The following LHFPL6 variants were observed in gnomAD, a reference collection of about 807,000 sequenced individuals.
The protein encoded by LHFPL6 is LHFPL tetraspan subfamily member 6 protein.
LHFPL6 carries 9 observed loss-of-function variants against 20.6 expected under a neutral mutation model. The ratio of observed to expected loss-of-function variants is 0.44; its 90% confidence interval spans 0.26 to 0.76. The LOEUF (loss-of-function observed/expected upper bound fraction) is 0.76. Among genes scored for constraint, LHFPL6 ranks in the 30% least tolerant of loss-of-function variants. The pLI, the probability that LHFPL6 is intolerant of heterozygous loss-of-function variation, is 0.20. For missense variants in LHFPL6, 218 were observed against 253.5 expected (o/e 0.86, Z 0.95); for synonymous variants, 105 against 98.7 (o/e 1.06, Z -0.38).
chr13:39,435,859 T>A (rs1871944075), intron 2 of LHFPL6, among the ~76,000 whole-genome samples: 1 of 152,084 alleles, frequency 6.6e-6, no homozygotes, highest in Non-Finnish European at 1.5e-5. Flanking sequence ...TTGAAACAGG[T>A]CATATGCATA....
chr13:39,363,839 T>C (rs1869942112), intron 3 of LHFPL6, among the ~76,000 whole-genome samples: 1 of 152,142 alleles, frequency 6.6e-6, no homozygotes, highest in Non-Finnish European at 1.5e-5. Flanking sequence ...GCTATAAAGT[T>C]ATGGGAAAAA....
chr13:39,574,998 G>A (rs1237646123), intron 2 of LHFPL6, among the ~76,000 whole-genome samples: 3 of 152,088 alleles, frequency 2.0e-5, no homozygotes, highest in Non-Finnish European at 4.4e-5. Flanking sequence ...TTGAATCTGG[G>A]AGGCAGAGGT....
chr13:39,560,318 GTTAA>G (rs1402077441), intron 2 of LHFPL6, among the ~76,000 whole-genome samples: 2 of 152,040 alleles, frequency 1.3e-5, no homozygotes, highest in Non-Finnish European at 2.9e-5. Flanking sequence ...GATTCAGAAA[GTTAA>G]TTAATTTTCT....
At chr13:39,442,191 T>A (rs1259394674) in intron 2 of LHFPL6, among the ~76,000 whole-genome samples, 1 of 152,102 alleles carries the variant, frequency 6.6e-6, no homozygotes, top group Non-Finnish European at 1.5e-5. Flanking sequence ...GGGAAAGAAC[T>A]GAGTTTAAAA....
intron 2 of LHFPL6, among the ~76,000 whole-genome samples, chr13:39,472,579 GT>G (rs1325836611): frequency 6.6e-6 from 1 of 151,898 alleles, no homozygotes; most frequent in Non-Finnish European, 1.5e-5. Context: ...TATTTGAAAG[GT>G]TTCTTCCCCT....
intron 2 of LHFPL6, among the ~76,000 whole-genome samples, chr13:39,436,357 A>G (rs1871956416): frequency 6.6e-6 from 1 of 152,228 alleles, no homozygotes; most frequent in Non-Finnish European, 1.5e-5. Context: ...GTCCTGTTAA[A>G]ATTTTTTAAA....
intron 2 of LHFPL6, among the ~76,000 whole-genome samples, chr13:39,459,155 G>A (rs1039950905): frequency 2.0e-5 from 3 of 150,710 alleles, no homozygotes; most frequent in Admixed American, 2.0e-4. Context: ...CCTGTGTTCT[G>A]GTTCCAGGTC....
intron 2 of LHFPL6, among the ~76,000 whole-genome samples, chr13:39,435,614 G>A (rs773732132): frequency 2.0e-5 from 3 of 152,268 alleles, no homozygotes; most frequent in Non-Finnish European, 4.4e-5. Context: ...TGCAAGACAG[G>A]ATGGTGGATT....
At chr13:39,379,558 A>T (rs1011022672) in intron 2 of LHFPL6, among the ~76,000 whole-genome samples, 2 of 152,186 alleles carry the variant, frequency 1.3e-5, no homozygotes, top group African/African-American at 4.8e-5. Context: ...GGAGATCTTC[A>T]ATATTTCTGC....
intron 3 of LHFPL6, among the ~76,000 whole-genome samples, chr13:39,363,198 G>T (rs1265754550): frequency 6.6e-6 from 1 of 152,224 alleles, no homozygotes; most frequent in African/African-American, 2.4e-5. Flanking sequence ...CAGGAAGGCA[G>T]AAGGGATGGG....
intron 2 of LHFPL6, among the ~76,000 whole-genome samples, chr13:39,571,074 G>C (rs1026558630): frequency 2.6e-5 from 4 of 152,066 alleles, no homozygotes; most frequent in African/African-American, 9.7e-5. Flanking sequence ...TTCTTTTTAG[G>C]AAATGCTGAA....
chr13:39,444,163 T>C (rs1419315101), intron 2 of LHFPL6, among the ~76,000 whole-genome samples: 1 of 152,144 alleles, frequency 6.6e-6, no homozygotes, highest in Non-Finnish European at 1.5e-5. Flanking sequence ...AACTAGGATA[T>C]CTGGCAGAAG....
intron 2 of LHFPL6, among the ~76,000 whole-genome samples, chr13:39,537,788 G>A (rs1266420139): frequency 1.3e-5 from 2 of 151,848 alleles, no homozygotes; most frequent in Admixed American, 6.6e-5. Context: ...CTGCTAAGCC[G>A]CTACAAAATT....
At chr13:39,592,198 A>G (rs545786451) in intron 2 of LHFPL6, among the ~76,000 whole-genome samples, 1 of 152,330 alleles carries the variant, frequency 6.6e-6, no homozygotes, top group African/African-American at 2.4e-5. Flanking sequence ...GTTAAGGCTT[A>G]GAAAACAAGC....
At chr13:39,459,031 A>C (rs191561534) in intron 2 of LHFPL6, among the ~76,000 whole-genome samples, 3 of 152,070 alleles carry the variant, frequency 2.0e-5, no homozygotes, top group Non-Finnish European at 4.4e-5. Context: ...TTCCCTTCCA[A>C]GGACTTTTAA....
intron 2 of LHFPL6, among the ~76,000 whole-genome samples, chr13:39,543,231 T>C (rs1178981014): frequency 6.6e-6 from 1 of 152,256 alleles, no homozygotes; most frequent in Admixed American, 6.5e-5. Context: ...TGTATGTATA[T>C]ATCACATTTT....
At chr13:39,355,503 A>G (rs1869702097) in intron 3 of LHFPL6, among the ~76,000 whole-genome samples, 1 of 152,278 alleles carries the variant, frequency 6.6e-6, no homozygotes, top group Non-Finnish European at 1.5e-5. Context: ...CCAGCTAACA[A>G]CATGATAACA....
At chr13:39,409,228 C>T (rs188572190) in intron 2 of LHFPL6, among the ~76,000 whole-genome samples, 9 of 152,098 alleles carry the variant, frequency 5.9e-5, no homozygotes, top group Admixed American at 2.0e-4. Context: ...CTGAGGTGGG[C>T]GGATCACTTG....
chr13:39,349,286 C>T (rs188394648), intron 3 of LHFPL6, among the ~76,000 whole-genome samples: 243 of 152,090 alleles, frequency 1.6e-3, no homozygotes, highest in Non-Finnish European at 3.2e-3. Flanking sequence ...ATCAAAGTAG[C>T]CTCAAAAAAT....
Sources: allele counts gnomAD v4.1 joint callset (sites outside exome capture counted in the v4.1 genomes callset), GRCh38; gene constraint gnomAD v4.1.1; transcripts MANE v1.5; gene names NCBI Gene and HGNC (gene_info 2026-07-23, HGNC 2026-07-21).